Variants in PPIH observed in about 807,000 individuals in gnomAD.
PPIH encodes the protein peptidylprolyl isomerase H, also known as peptidyl-prolyl cis-trans isomerase H.
A neutral mutation model predicts 27.6 loss-of-function variants in PPIH; 16 were observed. The ratio of observed to expected loss-of-function variants is 0.58; its 90% CI spans 0.39 to 0.88. The LOEUF is 0.88. Among genes scored for constraint, PPIH ranks in the 40% least tolerant of loss-of-function variants. The pLI is 0.00. For synonymous variants in PPIH, 63 were observed against 76.1 expected (o/e 0.83, Z 0.90); for missense variants, 155 against 224.1 (o/e 0.69, Z 1.97).
Position 42,666,545 on chromosome 1 carries a change from A to G in PPIH, c.425-2A>G, listed in dbSNP as rs1230745477. On this transcript the variant is annotated splice_acceptor_variant, in intron 7 of 9. Transcript: ENST00000304979. LOFTEE classifies it high-confidence loss of function. ...AAAGTCCAGCTCATGCTCTTCCTAC[A>G]GGAAAAATCATCGATGGACTTCTAG... is the stretch of plus-strand genomic sequence containing the variant. The G allele has an allele frequency of 1.2e-6, 2 of 1,613,916 alleles. No homozygotes were observed. The highest frequency in any genetic ancestry group is 1.7e-6 in the Non-Finnish European group (2 of 1,179,822).
chr1:42,671,322 A>G (rs1457029305), intron 9 of PPIH, among the ~76,000 whole-genome samples: 1 of 152,152 alleles, frequency 6.6e-6, no homozygotes, highest in African/African-American at 2.4e-5. Context: ...CAGCTACTCC[A>G]GAGACAAAGG....
intron 4 of PPIH, among the ~76,000 whole-genome samples, chr1:42,659,968 C>T (rs1648913470): frequency 6.6e-6 from 1 of 152,156 alleles, no homozygotes; most frequent in Admixed American, 6.5e-5. Context: ...CACTTAGTCT[C>T]ATTTCAATAT....
intron 6 of PPIH, 61 bp downstream of exon 6, chr1:42,665,016 G>T: frequency 7.2e-7 from 1 of 1,389,070 alleles, no homozygotes; most frequent in Non-Finnish European, 1.0e-6. Flanking sequence ...CCCCTCTTGA[G>T]GCCCAGTGCT....
chr1:42,679,495 C>CT (rs1557524668), downstream of PPIH, among the ~76,000 whole-genome samples: 1 of 152,220 alleles, frequency 6.6e-6, no homozygotes, highest in East Asian at 1.9e-4. Flanking sequence ...AAACTAGTTT[C>CT]TTAAACAGCT....
chr1:42,678,659 A>T (rs551720661), downstream of PPIH: 1 of 152,238 alleles, frequency 6.6e-6, no homozygotes, highest in Non-Finnish European at 1.5e-5. Flanking sequence ...TCGGCCTCCC[A>T]AAGTGTTGGG....
intron 9 of PPIH, among the ~76,000 whole-genome samples, chr1:42,673,549 G>T (rs1649746718): frequency 6.6e-6 from 1 of 152,182 alleles, no homozygotes; most frequent in Non-Finnish European, 1.5e-5. Flanking sequence ...TCTCCAACAG[G>T]TAATAATCAT....
chr1:42,671,170 T>C (rs1400057285), intron 9 of PPIH, among the ~76,000 whole-genome samples: 1 of 152,164 alleles, frequency 6.6e-6, no homozygotes, highest in African/African-American at 2.4e-5. Context: ...GGCTCACACC[T>C]GTAATCCCAG....
At chr1:42,668,035 G>A (rs1443791843) in intron 9 of PPIH, among the ~76,000 whole-genome samples, 8 of 152,244 alleles carry the variant, frequency 5.3e-5, no homozygotes. Flanking sequence ...ATTGAAAGAT[G>A]TCTCCTTTCA....
chr1:42,679,432 C>T (rs139109535), downstream of PPIH, among the ~76,000 whole-genome samples: 611 of 152,270 alleles, frequency 4.0e-3, 3 homozygotes, highest in African/African-American at 0.014. Context: ...TCAAGTGATC[C>T]GCCTGCCTCG....
intron 1 of PPIH, 113 bp downstream of exon 1, chr1:42,658,625 G>T: frequency 7.7e-7 from 1 of 1,306,040 alleles, no homozygotes; most frequent in Non-Finnish European, 1.1e-6. Context: ...AAGTGAAATT[G>T]CACCCGAACC....
intron 9 of PPIH, among the ~76,000 whole-genome samples, chr1:42,672,983 C>T (rs1353218390): frequency 6.6e-6 from 1 of 151,412 alleles, no homozygotes. Context: ...TTGGTTTTAT[C>T]TCAGTGAGTT....
intron 9 of PPIH, among the ~76,000 whole-genome samples, chr1:42,672,268 T>C (rs1649678704): frequency 6.6e-6 from 1 of 152,178 alleles, no homozygotes. Flanking sequence ...TGGGTTTGGA[T>C]GGGGACTGAG....
At chr1:42,678,190 G>A (rs555974615), downstream of PPIH, among the ~76,000 whole-genome samples, 5 of 152,250 alleles carry the variant, frequency 3.3e-5, no homozygotes, top group East Asian at 9.7e-4. Context: ...TGGGGAGGAT[G>A]AACAGCTGTG....
Position 42,667,551 on chromosome 1 carries a change from G to A in PPIH, c.*21+111G>A, listed in dbSNP as rs1046600256. 40 of 840,966 alleles carry A rather than the reference G, an allele frequency of 4.8e-5. 1 individual carries two copies. The South Asian group carries it at 5.3e-4, about 11-fold the overall frequency. The allele number at this position is 840,966 out of a possible 1,614,324, so 52.1% of individuals were successfully genotyped here. A position where few individuals can be genotyped will look rare whatever the true frequency, so the allele number is the denominator to read the frequency against. ...ACATGAGATTGAGCCCAGTTCCTCCGTGTATGGCCTTGGAGTAGTCACTTT... is the reference window on the plus strand; with the variant it reads ...ACATGAGATTGAGCCCAGTTCCTCCATGTATGGCCTTGGAGTAGTCACTTT... On this transcript the variant is annotated intron_variant, in intron 9 of 9. Coordinates refer to ENST00000304979, the MANE Select transcript of PPIH (RefSeq NM_006347.4).
intron 6 of PPIH, 24 bp downstream of exon 6, chr1:42,664,979 T>A (rs895916911): frequency 6.2e-7 from 1 of 1,605,526 alleles, no homozygotes; most frequent in African/African-American, 1.3e-5. Flanking sequence ...AATCAAGGTT[T>A]TGGGTTATAG....
At position 42,666,108 on chromosome 1, in the gene PPIH, C is replaced by T. The variant is rs959021608; in HGVS notation, c.424+41C>T. 4 of 1,569,988 alleles carry T rather than the reference C, an allele frequency of 2.5e-6. No individual in the cohort carries two copies. The African/African-American group carries it at 5.4e-5, about 21-fold the overall frequency. On this transcript the variant is annotated intron_variant, in intron 7 of 9. Transcript: ENST00000304979. ...GTCTCATGGTCCAGGCCCCATTCAC[C>T]CTGGATGGAACCTCCAGAGGAGTTA...
chr1:42,669,330 C>T (rs1019875698), intron 9 of PPIH, among the ~76,000 whole-genome samples: 5 of 152,108 alleles, frequency 3.3e-5, no homozygotes, highest in African/African-American at 4.8e-5. Context: ...AATTCCACAC[C>T]TGACTTCATG....
chr1:42,673,229 C>G (rs1415529977), intron 9 of PPIH, among the ~76,000 whole-genome samples: 2 of 152,182 alleles, frequency 1.3e-5, no homozygotes, highest in African/African-American at 4.8e-5. Context: ...AAGCGATCTT[C>G]CCACCTCAGC....
chr1:42,666,642 G>C, intron 8 of PPIH, 55 bp downstream of exon 8: 2 of 1,555,990 alleles, frequency 1.3e-6, no homozygotes, highest in Non-Finnish European at 1.8e-6. Context: ...GGTACTGTCT[G>C]ACTAGCGTGC....
Sources: gnomAD v4.1 joint callset for allele counts (sites outside exome capture counted in the v4.1 genomes callset) on GRCh38, gnomAD v4.1.1 for gene constraint, MANE v1.5 for transcripts, NCBI Gene and HGNC (gene_info 2026-07-23, HGNC 2026-07-21) for gene names.